ARHGAP19: variants seen among roughly 807,000 people sequenced by gnomAD.
ARHGAP19 encodes the protein Rho GTPase activating protein 19, also known as rho GTPase-activating protein 19.
ARHGAP19 carries 48 observed loss-of-function variants against 60.9 expected under a neutral mutation model. The ratio of observed to expected loss-of-function variants is 0.79; its 90% CI spans 0.62 to 1.00. The LOEUF (loss-of-function observed/expected upper bound fraction) is 1.00, where lower values mean the gene tolerates loss of function less well. Among genes scored for constraint, ARHGAP19 ranks in the 50% least tolerant of loss-of-function variants. The pLI, the probability that ARHGAP19 is intolerant of heterozygous loss-of-function variation, is 0.00. For missense variants in ARHGAP19, 562 were observed against 597.2 expected (o/e 0.94, Z 0.61); for synonymous variants, 209 against 215.5 (o/e 0.97, Z 0.27).
At chr10:97,246,230 A>G in intron 7 of ARHGAP19, 42 bp downstream of exon 7, 1 of 1,514,116 alleles carries the variant, frequency 6.6e-7, no homozygotes, top group Non-Finnish European at 9.2e-7. Context: ...ACAAATCTTA[A>G]TGCTCTCCTT....
intron 6 of ARHGAP19, among the ~76,000 whole-genome samples, chr10:97,252,422 A>G (rs1842696650): frequency 1.3e-5 from 2 of 151,870 alleles, no homozygotes; most frequent in South Asian, 4.2e-4. Flanking sequence ...GGAGATCGAG[A>G]CCATCCTGGC....
chr10:97,270,593 A>G, intron 1 of ARHGAP19: 1 of 1,542,440 alleles, frequency 6.5e-7, no homozygotes, highest in Non-Finnish European at 8.8e-7. Context: ...AAGAAAATAA[A>G]TACATTTCTT....
chr10:97,291,398 C>G (rs1403884868), intron 1 of ARHGAP19, among the ~76,000 whole-genome samples: 1 of 152,170 alleles, frequency 6.6e-6, no homozygotes, highest in African/African-American at 2.4e-5. Context: ...GGGCTCACTG[C>G]AACCTCCGCC....
In ARHGAP19 at chr10:97,249,951, A is replaced by AT. The variant is rs575512169; in HGVS notation, c.928-3615dup. ...AGGGGCCTGCCACCGCGCCTGGCTA[A>AT]TTTTTTGTATTTTTAGTAGAGACGG... is the stretch of plus-strand genomic sequence containing the variant. On this transcript the variant is annotated intron_variant, in intron 6 of 11. Coordinates refer to ENST00000358531, the MANE Select transcript of ARHGAP19 (RefSeq NM_032900.6). Among the ~76,000 whole-genome samples the AT allele has an allele frequency of 4.5e-4, 69 of 151,862 alleles. 1 individual carries two copies. In the East Asian group the frequency reaches 8.4e-3, roughly 18 times the overall value.
intron 1 of ARHGAP19, among the ~76,000 whole-genome samples, chr10:97,269,188 C>A (rs961612475): frequency 6.6e-6 from 1 of 152,108 alleles, no homozygotes; most frequent in Non-Finnish European, 1.5e-5. Flanking sequence ...AGGACATTGT[C>A]AATACTACAT....
intron 1 of ARHGAP19, among the ~76,000 whole-genome samples, chr10:97,272,566 A>G (rs1379799115): frequency 6.6e-6 from 1 of 152,086 alleles, no homozygotes; most frequent in African/African-American, 2.4e-5. Flanking sequence ...CATTCCACTT[A>G]TTTTGTGTTA....
At chr10:97,287,186 C>T (rs1564730704) in intron 1 of ARHGAP19, among the ~76,000 whole-genome samples, 1 of 152,158 alleles carries the variant, frequency 6.6e-6, no homozygotes, top group Non-Finnish European at 1.5e-5. Context: ...CTCAGGTGAT[C>T]TTCCTGTCTC....
intron 1 of ARHGAP19, 120 bp downstream of exon 1, chr10:97,292,452 A>C (rs775673096): frequency 4.0e-5 from 54 of 1,334,584 alleles, no homozygotes; most frequent in Non-Finnish European, 5.6e-5. Context: ...CGACGATGAG[A>C]AACGCCGTGG....
At position 97,259,360 on chromosome 10, in the gene ARHGAP19, C is replaced by T. The variant is rs1842796745; in HGVS notation, c.840+42G>A. The T allele has an allele frequency of 3.3e-6, 5 of 1,512,264 alleles. No individual in the cohort carries two copies. In the East Asian group the frequency reaches 1.1e-4, roughly 34 times the overall value. 93.7% of individuals were successfully genotyped at this position (1,512,264 alleles called of 1,614,324 possible). ...TACAGCCATAGAATGAGGCCCAGCC[C>T]AAGAAAACCAAGCAATCTTTACTCT... is the stretch of plus-strand genomic sequence containing the variant. On this transcript the variant is annotated intron_variant, in intron 5 of 11. Coordinates refer to ENST00000358531, the MANE Select transcript of ARHGAP19 (RefSeq NM_032900.6).
chr10:97,236,502 C>T (rs918301564), intron 8 of ARHGAP19, among the ~76,000 whole-genome samples: 1 of 152,068 alleles, frequency 6.6e-6, no homozygotes, highest in Non-Finnish European at 1.5e-5. Flanking sequence ...TGCATCTTTC[C>T]TGATGGTGGC....
At chr10:97,282,565 A>G (rs566195968) in intron 1 of ARHGAP19, among the ~76,000 whole-genome samples, 53 of 152,300 alleles carry the variant, frequency 3.5e-4, no homozygotes, top group Non-Finnish European at 8.8e-5. Context: ...TTGTCCCAGT[A>G]TGAATCTGAG....
intron 1 of ARHGAP19, among the ~76,000 whole-genome samples, chr10:97,282,890 T>C (rs980422840): frequency 1.3e-4 from 19 of 145,914 alleles, no homozygotes; most frequent in Admixed American, 1.1e-3. Flanking sequence ...TCGCCCAGGC[T>C]GGAGTGCAGT....
rs917655671 is a variant in ARHGAP19 at position 97,235,349 on chromosome 10, C to T, written c.1186-34G>A. ...AAACATGGAGAACATTTTATAAATACTTTCCCATCAAGACACGGCATTCTG... is the reference window on the plus strand; with the variant it reads ...AAACATGGAGAACATTTTATAAATATTTTCCCATCAAGACACGGCATTCTG... On this transcript the variant is annotated intron_variant, in intron 8 of 11. Coordinates refer to ENST00000358531, the MANE Select transcript of ARHGAP19 (RefSeq NM_032900.6). The T allele has an allele frequency of 2.6e-6, 4 of 1,546,232 alleles. No homozygotes were observed. The South Asian group carries it at 3.4e-5, about 13-fold the overall frequency.
chr10:97,229,344 G>T, intron 10 of ARHGAP19, 119 bp from the exon 11 acceptor site: 1 of 828,438 alleles, frequency 1.2e-6, no homozygotes, highest in Non-Finnish European at 2.0e-6. Flanking sequence ...TGAGACTGAT[G>T]TATTTATATC....
chr10:97,253,635 G>C (rs1007611428), intron 6 of ARHGAP19, among the ~76,000 whole-genome samples: 1 of 152,120 alleles, frequency 6.6e-6, no homozygotes, highest in Non-Finnish European at 1.5e-5. Flanking sequence ...AACTAGAAGA[G>C]GGGACTTGAA....
In ARHGAP19 at chr10:97,272,212, T is replaced by A. The variant is rs957152522; in HGVS notation, c.57-6087A>T. 2.2e-5 allele frequency among the ~76,000 whole-genome samples: 3 copies of A among 133,950 alleles called. No homozygotes were observed. The South Asian group carries it at 7.8e-4, about 35-fold the overall frequency. 87.9% of individuals were successfully genotyped at this position (133,950 alleles called of 152,430 possible). ...GTGCAGTGGCACGATCTCAGCTAAC[T>A]GCAACTTCCACCTCCCAGGTTCAAG... On this transcript the variant is annotated intron_variant, in intron 1 of 11. Transcript: ENST00000358531.
intron 1 of ARHGAP19, among the ~76,000 whole-genome samples, chr10:97,292,114 AG>A (rs1843243210): frequency 1.1e-5 from 1 of 89,724 alleles, no homozygotes; most frequent in Admixed American, 1.1e-4. Context: ...ACTGAAGTCG[AG>A]AGAGGTTTAA....
intron 10 of ARHGAP19, 70 bp downstream of exon 10, chr10:97,229,694 A>C: frequency 9.0e-7 from 1 of 1,108,442 alleles, no homozygotes. Flanking sequence ...AACAGATGAC[A>C]GTATATCAAT....
chr10:97,256,610 C>A, intron 5 of ARHGAP19: 1 of 416,210 alleles, frequency 2.4e-6, no homozygotes, highest in Non-Finnish European at 4.2e-6. Flanking sequence ...ACGAGGAAAT[C>A]CTTGAAAACC....
Sources: gnomAD v4.1 joint callset for allele counts (sites outside exome capture counted in the v4.1 genomes callset) on GRCh38, gnomAD v4.1.1 for gene constraint, MANE v1.5 for transcripts, NCBI Gene and HGNC (gene_info 2026-07-23, HGNC 2026-07-21) for gene names.